Variants in TENM2 observed in about 807,000 individuals in gnomAD.
TENM2 encodes teneurin-2.
In TENM2, 52 loss-of-function variants were observed where a neutral mutation model predicts 245.2. The observed-to-expected ratio is 0.21, with a 90% CI of 0.17 to 0.27. TENM2 has a LOEUF of 0.27. Among genes scored for constraint, TENM2 ranks in the 10% least tolerant of loss-of-function variants. The pLI is 1.00. For missense variants in TENM2, 3,046 were observed against 3,666.8 expected, an observed-to-expected ratio of 0.83 and a Z score of 4.37; for synonymous variants, 1,363 against 1,438.9, an observed-to-expected ratio of 0.95 and a Z score of 1.19.
intron 3 of TENM2, among the ~76,000 whole-genome samples, chr5:167,887,787 G>T (rs1774408372): frequency 6.6e-6 from 1 of 152,174 alleles, no homozygotes; most frequent in South Asian, 2.1e-4. Flanking sequence ...CCACGAACTA[G>T]GTGGCTGAAA....
At chr5:168,226,053 A>G in intron 23 of TENM2, 35 bp from the exon 26 acceptor site, 1 of 1,591,138 alleles carries the variant, frequency 6.3e-7, no homozygotes, top group Non-Finnish European at 8.6e-7. Context: ...GACTGCTGCT[A>G]ACCAGGGTTT....
chr5:167,888,235 T>G (rs1406928318), intron 3 of TENM2, among the ~76,000 whole-genome samples: 1 of 152,178 alleles, frequency 6.6e-6, no homozygotes, highest in Admixed American at 6.6e-5. Context: ...AATAGCTCCC[T>G]ATGTCTTCTC....
intron 2 of TENM2, among the ~76,000 whole-genome samples, chr5:167,872,935 G>T (rs1013132585): frequency 2.6e-5 from 4 of 152,246 alleles, no homozygotes; most frequent in African/African-American, 4.8e-5. Flanking sequence ...TTGAACTTCA[G>T]TTCCACCTCA....
chr5:166,995,279 G>A, the TENM2 span, among the ~76,000 whole-genome samples: 250 of 150,748 alleles, frequency 1.7e-3, 1 homozygote, highest in Non-Finnish European at 2.5e-3. Context: ...TCGCTCTGTC[G>A]CCCAGGCTGG....
chr5:167,160,366 GC>G, the TENM2 span, among the ~76,000 whole-genome samples: 1 of 152,230 alleles, frequency 6.6e-6, no homozygotes, highest in Non-Finnish European at 1.5e-5. Context: ...TACCACTCAT[GC>G]CCCGCCTGCT....
the TENM2 span, among the ~76,000 whole-genome samples, chr5:167,236,783 A>T: frequency 9.2e-5 from 14 of 152,202 alleles, no homozygotes; most frequent in Admixed American, 9.2e-4. Context: ...AAGGGAAAGC[A>T]AAGATCTAAC....
chr5:167,020,244 C>T, the TENM2 span, among the ~76,000 whole-genome samples: 1 of 152,158 alleles, frequency 6.6e-6, no homozygotes, highest in Non-Finnish European at 1.5e-5. Context: ...TTACTCTCTG[C>T]ATTGAAGGAC....
intron 2 of TENM2, among the ~76,000 whole-genome samples, chr5:167,864,276 A>T (rs1009633138): frequency 5.3e-5 from 8 of 152,186 alleles, no homozygotes; most frequent in Non-Finnish European, 8.8e-5. Flanking sequence ...CAATAATGAG[A>T]ATGAAAACAA....
chr5:167,637,011 G>T (rs2150234440), intron 2 of TENM2, among the ~76,000 whole-genome samples: 1 of 152,250 alleles, frequency 6.6e-6, no homozygotes, highest in East Asian at 1.9e-4. Context: ...TTATCTGAGT[G>T]ACCTAGAACA....
chr5:167,727,104 C>CTTTTTTTTTTTTTTTTTTT (rs1227700479), intron 2 of TENM2, among the ~76,000 whole-genome samples: 1 of 96,132 alleles, frequency 1.0e-5, no homozygotes, highest in Non-Finnish European at 1.9e-5. Flanking sequence ...CCATTAATTT[C>CTTTTTTTTTTTTTTTTTTT]TTTTTTTTTT....
At chr5:167,955,630 G>A (rs182795974) in intron 4 of TENM2, among the ~76,000 whole-genome samples, 1 of 152,122 alleles carries the variant, frequency 6.6e-6, no homozygotes, top group Non-Finnish European at 1.5e-5. Flanking sequence ...AATCCATCTT[G>A]AGTTAATTTT....
intron 5 of TENM2, among the ~76,000 whole-genome samples, chr5:168,002,324 A>G (rs1562037161): frequency 6.6e-6 from 1 of 152,218 alleles, no homozygotes; most frequent in Non-Finnish European, 1.5e-5. Flanking sequence ...AGAAGGGCAT[A>G]TTACCTTGCT....
At chr5:167,875,676 G>A (rs1055436000) in intron 2 of TENM2, among the ~76,000 whole-genome samples, 1 of 152,190 alleles carries the variant, frequency 6.6e-6, no homozygotes, top group African/African-American at 2.4e-5. Context: ...GAGAGATAAT[G>A]AGGACTTAGA....
chr5:167,127,043 G>A, the TENM2 span, among the ~76,000 whole-genome samples: 3 of 148,898 alleles, frequency 2.0e-5, no homozygotes, highest in African/African-American at 7.4e-5. Context: ...ATACTTCCTT[G>A]AAAACCATAC....
chr5:168,076,669 T>A (rs866258841), intron 7 of TENM2, among the ~76,000 whole-genome samples: 2 of 152,228 alleles, frequency 1.3e-5, no homozygotes, highest in Non-Finnish European at 2.9e-5. Flanking sequence ...AGGCACATGG[T>A]GGTTGCTCAA....
At chr5:167,343,723 C>T (rs1758269760) in intron 1 of TENM2, among the ~76,000 whole-genome samples, 1 of 152,046 alleles carries the variant, frequency 6.6e-6, no homozygotes, top group South Asian at 2.1e-4. Flanking sequence ...GAAGTTTGTT[C>T]TTTAATTTAA....
At chr5:167,967,801 T>C (rs1341523315) in intron 4 of TENM2, among the ~76,000 whole-genome samples, 1 of 152,214 alleles carries the variant, frequency 6.6e-6, no homozygotes, top group African/African-American at 2.4e-5. Context: ...TTTCCATCTC[T>C]GTCTGTGCTC....
intron 2 of TENM2, among the ~76,000 whole-genome samples, chr5:167,827,031 T>G (rs906289725): frequency 1.3e-5 from 2 of 152,244 alleles, no homozygotes; most frequent in South Asian, 2.1e-4. Flanking sequence ...AGAAACTGAC[T>G]GTATCCATCC....
chr5:167,907,771 A>G (rs1219313612), intron 3 of TENM2, among the ~76,000 whole-genome samples: 1 of 151,512 alleles, frequency 6.6e-6, no homozygotes, highest in Non-Finnish European at 1.5e-5. Context: ...ATTTAAAAAA[A>G]TTTAGGAAGT....
Sources: allele counts gnomAD v4.1 joint callset (sites outside exome capture counted in the v4.1 genomes callset), GRCh38; gene constraint gnomAD v4.1.1; transcripts MANE v1.5; gene names NCBI Gene and HGNC (gene_info 2026-07-23, HGNC 2026-07-21).